OPCML: variants seen among roughly 807,000 people sequenced by gnomAD.
The protein encoded by OPCML is opioid-binding protein/cell adhesion molecule.
In OPCML, 13 loss-of-function variants were observed where a neutral mutation model predicts 37.8. The ratio of observed to expected loss-of-function variants is 0.34; its 90% CI spans 0.22 to 0.55. OPCML has a LOEUF of 0.55. Among genes scored for constraint, OPCML ranks in the 20% least tolerant of loss-of-function variants. OPCML has a pLI of 0.91. For synonymous variants in OPCML, 176 were observed against 168.8 expected, an observed-to-expected ratio of 1.04 and a Z score of -0.33; for missense variants, 341 against 435.6, an observed-to-expected ratio of 0.78 and a Z score of 1.93.
chr11:133,128,618 C>G (rs1949556242), intron 1 of OPCML, among the ~76,000 whole-genome samples: 2 of 152,154 alleles, frequency 1.3e-5, no homozygotes, highest in South Asian at 4.1e-4. Flanking sequence ...TCCGAAGGAG[C>G]CTCAGATGCC....
intron 1 of OPCML, among the ~76,000 whole-genome samples, chr11:132,955,233 T>C (rs993550313): frequency 6.6e-6 from 1 of 152,172 alleles, no homozygotes; most frequent in African/African-American, 2.4e-5. Flanking sequence ...TTTTTTAATG[T>C]GTCTGAAGGT....
At chr11:133,002,765 A>G (rs1016116855) in intron 1 of OPCML, among the ~76,000 whole-genome samples, 12 of 80,056 alleles carry the variant, frequency 1.5e-4, no homozygotes, top group African/African-American at 6.6e-4. Flanking sequence ...GAGAAGAAGG[A>G]CAAAGGAAAG....
At chr11:132,954,345 A>C (rs1217094047) in intron 1 of OPCML, among the ~76,000 whole-genome samples, 1 of 147,280 alleles carries the variant, frequency 6.8e-6, no homozygotes, top group African/African-American at 2.5e-5. Context: ...GGATCTCAAA[A>C]TGAGGCCATT....
chr11:133,417,479 A>T (rs1945793799), intron 1 of OPCML, among the ~76,000 whole-genome samples: 1 of 151,850 alleles, frequency 6.6e-6, no homozygotes, highest in Non-Finnish European at 1.5e-5. Context: ...TTATTTATTT[A>T]TTTATTTATT....
chr11:132,695,576 G>C (rs1214100573), intron 2 of OPCML, among the ~76,000 whole-genome samples: 1 of 152,186 alleles, frequency 6.6e-6, no homozygotes, highest in Non-Finnish European at 1.5e-5. Context: ...GCTAGGCTTA[G>C]TTGATACATA....
intron 1 of OPCML, chr11:133,004,454 T>A: frequency 4.1e-6 from 4 of 985,458 alleles, no homozygotes; most frequent in Non-Finnish European, 4.8e-6. Context: ...ATGTGGAGGC[T>A]GAGGTGTGCT....
intron 1 of OPCML, among the ~76,000 whole-genome samples, chr11:133,166,552 G>A (rs1037050551): frequency 2.0e-5 from 3 of 152,192 alleles, no homozygotes; most frequent in African/African-American, 7.2e-5. Flanking sequence ...AGGAAGGAGT[G>A]ATTTCTTCTG....
At chr11:132,817,677 ATTTAAAT>A (rs1354944667) in intron 2 of OPCML, among the ~76,000 whole-genome samples, 1 of 152,104 alleles carries the variant, frequency 6.6e-6, no homozygotes, top group East Asian at 1.9e-4. Context: ...AGGGCTTTGA[ATTTAAAT>A]TTTAGAGGCA....
chr11:132,443,026 T>C (rs1450710125), intron 4 of OPCML, among the ~76,000 whole-genome samples: 3 of 152,164 alleles, frequency 2.0e-5, no homozygotes, highest in Admixed American at 6.5e-5. Context: ...GTTTCTCCAT[T>C]TGGAATGATT....
chr11:132,875,908 A>G (rs1158352458), intron 2 of OPCML, among the ~76,000 whole-genome samples: 3 of 152,242 alleles, frequency 2.0e-5, no homozygotes, highest in African/African-American at 7.2e-5. Flanking sequence ...CCATATCGAC[A>G]TACAAACTGC....
chr11:133,482,687 G>T (rs1481440813), intron 1 of OPCML, among the ~76,000 whole-genome samples: 1 of 152,086 alleles, frequency 6.6e-6, no homozygotes, highest in East Asian at 1.9e-4. Context: ...AAATAAATGG[G>T]ATGAAGAAAA....
chr11:133,105,520 A>G (rs927790306), intron 1 of OPCML, among the ~76,000 whole-genome samples: 1 of 152,208 alleles, frequency 6.6e-6, no homozygotes. Context: ...TCTTAGAGAG[A>G]CTTGCCAAGG....
At chr11:133,262,061 G>GA in intron 1 of OPCML, among the ~76,000 whole-genome samples, 1 of 151,810 alleles carries the variant, frequency 6.6e-6, no homozygotes, top group South Asian at 2.1e-4. Context: ...TTCTTTTTTT[G>GA]AAAAAATAAT....
intron 2 of OPCML, among the ~76,000 whole-genome samples, chr11:132,887,282 G>A (rs974559329): frequency 1.3e-5 from 2 of 152,316 alleles, no homozygotes; most frequent in Admixed American, 1.3e-4. Flanking sequence ...TGTGTGGTAG[G>A]CTATGCCATC....
chr11:133,084,037 A>G (rs935359126), intron 1 of OPCML, among the ~76,000 whole-genome samples: 1 of 152,184 alleles, frequency 6.6e-6, no homozygotes, highest in Non-Finnish European at 1.5e-5. Flanking sequence ...ACTAGATGGC[A>G]AATTCTTTGA....
chr11:132,521,853 A>G (rs560321363), intron 4 of OPCML, among the ~76,000 whole-genome samples: 1 of 152,306 alleles, frequency 6.6e-6, no homozygotes, highest in East Asian at 1.9e-4. Context: ...TAGTTTTTGC[A>G]TGTACTTATT....
At chr11:133,262,374 T>C (rs1471632287) in intron 1 of OPCML, among the ~76,000 whole-genome samples, 1 of 152,232 alleles carries the variant, frequency 6.6e-6, no homozygotes, top group South Asian at 2.1e-4. Context: ...TATCATGTAA[T>C]GTGCGGAGCA....
At chr11:133,187,798 A>G (rs769184484) in intron 1 of OPCML, among the ~76,000 whole-genome samples, 2 of 152,148 alleles carry the variant, frequency 1.3e-5, no homozygotes, top group African/African-American at 2.4e-5. Context: ...TATTTCATGG[A>G]TCTTTGTAAT....
intron 1 of OPCML, among the ~76,000 whole-genome samples, chr11:133,097,284 C>A (rs1375043469): frequency 6.6e-6 from 1 of 152,118 alleles, no homozygotes; most frequent in African/African-American, 2.4e-5. Context: ...ATTAAACAAT[C>A]CACTTCTAAA....
Sources: gnomAD v4.1 joint callset for allele counts (sites outside exome capture counted in the v4.1 genomes callset) on GRCh38, gnomAD v4.1.1 for gene constraint, MANE v1.5 for transcripts, NCBI Gene and HGNC (gene_info 2026-07-23, HGNC 2026-07-21) for gene names.